DIAPH2: variants seen among roughly 807,000 people sequenced by gnomAD.
The protein encoded by DIAPH2 is diaphanous related formin 2.
DIAPH2 carries 35 observed loss-of-function variants against 92.7 expected under a neutral mutation model. That is an observed-to-expected ratio of 0.38 (90% CI 0.29 to 0.50). The LOEUF (loss-of-function observed/expected upper bound fraction) is 0.50. Ranked by LOEUF, DIAPH2 falls within the 20% of genes least tolerant of loss-of-function variation. The probability of loss-of-function intolerance (pLI) is 0.94; values close to 1 mark genes in which losing one functional copy is unlikely to be tolerated. For synonymous variants in DIAPH2, 301 were observed against 280.4 expected (o/e 1.07, Z -0.73); for missense variants, 701 against 819.5 (o/e 0.86, Z 1.77).
intron 17 of DIAPH2, among the ~76,000 whole-genome samples, chrX:97,053,993 C>T (rs2066538480): frequency 9.0e-6 from 1 of 111,687 alleles, no homozygotes; most frequent in Admixed American, 9.5e-5. Flanking sequence ...GAAAATCTGT[C>T]TTAGTTTTAT....
intron 4 of DIAPH2, chrX:96,763,099 G>A: frequency 1.0e-6 from 1 of 965,127 alleles, no homozygotes; most frequent in Admixed American, 3.1e-5. Context: ...ACTGCATGCA[G>A]ATAGTTGGAA....
At chrX:96,775,353 T>TTGTGTGTGTGTG (rs60441028) in intron 4 of DIAPH2, among the ~76,000 whole-genome samples, 6,821 of 89,251 alleles carry the variant, frequency 0.076, 307 homozygotes, top group Non-Finnish European at 0.11. Flanking sequence ...CAACGTGTGC[T>TTGTGTGTGTGTG]TGTGTGTGTG....
intron 26 of DIAPH2, among the ~76,000 whole-genome samples, chrX:97,566,874 A>G (rs1445533367): frequency 8.9e-6 from 1 of 111,900 alleles, no homozygotes; most frequent in Non-Finnish European, 1.9e-5. Context: ...AAAGAATTAG[A>G]TCACAAAAGA....
chrX:96,888,579 A>ATCTATATATC (rs1486235860), intron 5 of DIAPH2, among the ~76,000 whole-genome samples: 1 of 96,693 alleles, frequency 1.0e-5, no homozygotes, highest in Non-Finnish European at 2.0e-5. Flanking sequence ...AGATATATAT[A>ATCTATATATC]TCTATATATA....
At chrX:97,326,473 C>T (rs951214575) in intron 23 of DIAPH2, among the ~76,000 whole-genome samples, 2 of 111,777 alleles carry the variant, frequency 1.8e-5, no homozygotes, top group Non-Finnish European at 3.8e-5. Flanking sequence ...CCCACCTGCC[C>T]GGGACTTGGG....
In DIAPH2 at chrX:97,573,764, G is replaced by A. The variant is rs193254281; in HGVS notation, c.3242-25489G>A. On this transcript the variant is annotated intron_variant, in intron 26 of 26. Transcript: ENST00000324765. ...CAACCTCTGCCTCCTGGGTTCAAGC[G>A]ATTCTCCAGCCTCAGCCTCCCAAGT... Among the ~76,000 whole-genome samples, 16 of 107,539 alleles carry A rather than the reference G, an allele frequency of 1.5e-4. No individual in the cohort carries two copies. In the East Asian group the frequency reaches 2.0e-3, roughly 14 times the overall value. The allele number at this position is 107,539 out of a possible 115,157, so 93.4% of individuals were successfully genotyped here.
rs201235161 is a variant in DIAPH2 at position 97,255,221 on chromosome X, G to GT, written c.2844+7389dup. Among the ~76,000 whole-genome samples, 358 of 111,199 alleles carry GT rather than the reference G, an allele frequency of 3.2e-3. 1 individual carries two copies. In the Middle Eastern group the frequency reaches 0.037, roughly 12 times the overall value. ...TTCTACATTTGTTCCCTGTGAAACT[G>GT]TTTTTTTGCTTCCTTTTCAATCTCT... On this transcript the variant is annotated intron_variant, in intron 23 of 26. Transcript: ENST00000324765.
chrX:97,462,184 C>T (rs2070464924), intron 26 of DIAPH2, among the ~76,000 whole-genome samples: 1 of 111,832 alleles, frequency 8.9e-6, no homozygotes, highest in Non-Finnish European at 1.9e-5. Flanking sequence ...TTAAATATTT[C>T]TATCTCCTAA....
chrX:97,577,438 G>A (rs1310179722), intron 26 of DIAPH2, among the ~76,000 whole-genome samples: 1 of 112,238 alleles, frequency 8.9e-6, no homozygotes, highest in African/African-American at 3.2e-5. Context: ...TGAAATGATA[G>A]TGAGCAGTAC....
At chrX:97,001,785 G>C (rs183952527) in intron 17 of DIAPH2, among the ~76,000 whole-genome samples, 3 of 111,331 alleles carry the variant, frequency 2.7e-5, no homozygotes, top group Admixed American at 1.9e-4. Flanking sequence ...GAAGATCCTA[G>C]AAACTTTAAG....
At chrX:96,712,578 A>G (rs773801304) in intron 1 of DIAPH2, among the ~76,000 whole-genome samples, 5 of 111,002 alleles carry the variant, frequency 4.5e-5, no homozygotes, top group South Asian at 7.6e-4. Context: ...TCTATTTTAG[A>G]TATTATCTAT....
intron 26 of DIAPH2, among the ~76,000 whole-genome samples, chrX:97,488,258 G>A (rs1346193031): frequency 1.8e-5 from 2 of 112,099 alleles, no homozygotes; most frequent in Non-Finnish European, 3.8e-5. Context: ...CTCCCAAAGT[G>A]CTGAAATTAC....
intron 17 of DIAPH2, among the ~76,000 whole-genome samples, chrX:97,031,817 A>G (rs2066377079): frequency 8.9e-6 from 1 of 112,040 alleles, no homozygotes; most frequent in Non-Finnish European, 1.9e-5. Flanking sequence ...AGTAAGCAAG[A>G]ATTCCCAGTA....
chrX:96,939,566 A>ATG (rs1158448452), intron 12 of DIAPH2, among the ~76,000 whole-genome samples, 184 bp downstream of exon 12: 137 of 70,482 alleles, frequency 1.9e-3, no homozygotes, highest in South Asian at 5.2e-3. Context: ...ATATATATAT[A>ATG]TGTGTGTGTG....
At chrX:97,589,736 G>C (rs1012799474) in intron 26 of DIAPH2, among the ~76,000 whole-genome samples, 2 of 112,359 alleles carry the variant, frequency 1.8e-5, no homozygotes, top group African/African-American at 3.2e-5. Context: ...GATTCTTTGA[G>C]ACATCTTATA....
At chrX:97,240,183 G>A (rs932365647) in intron 22 of DIAPH2, among the ~76,000 whole-genome samples, 4 of 111,110 alleles carry the variant, frequency 3.6e-5, no homozygotes, top group African/African-American at 9.8e-5. Flanking sequence ...ATTTAAATTT[G>A]GAACTTGCTA....
intron 26 of DIAPH2, among the ~76,000 whole-genome samples, chrX:97,430,069 T>G (rs1237714474): frequency 9.0e-6 from 1 of 111,693 alleles, no homozygotes; most frequent in African/African-American, 3.2e-5. Context: ...TAAATGTAAT[T>G]AAATCATTAA....
chrX:97,545,405 A>G (rs2071172231), intron 26 of DIAPH2, among the ~76,000 whole-genome samples: 1 of 109,603 alleles, frequency 9.1e-6, no homozygotes, highest in Admixed American at 9.9e-5. Flanking sequence ...GCAGTTAATA[A>G]GAGGCAAAAT....
At chrX:97,062,926 C>T (rs532464800) in intron 17 of DIAPH2, among the ~76,000 whole-genome samples, 1 of 104,094 alleles carries the variant, frequency 9.6e-6, no homozygotes, top group South Asian at 4.8e-4. Context: ...CCCAGCTACT[C>T]GGGAGGCTGA....
Sources: gnomAD v4.1 joint callset for allele counts (sites outside exome capture counted in the v4.1 genomes callset) on GRCh38, gnomAD v4.1.1 for gene constraint, MANE v1.5 for transcripts, NCBI Gene and HGNC (gene_info 2026-07-23, HGNC 2026-07-21) for gene names.